ASB2: variants seen among roughly 807,000 people sequenced by gnomAD.
ASB2 encodes ankyrin repeat and SOCS box containing 2, also known as ankyrin repeat and SOCS box protein 2.
A neutral mutation model predicts 62.4 loss-of-function variants in ASB2; 58 were observed. The ratio of observed to expected loss-of-function variants is 0.93; its 90% CI spans 0.75 to 1.16. The LOEUF is 1.16. Among genes scored for constraint, ASB2 ranks in the 50% most tolerant of loss-of-function variants. ASB2 has a pLI of 0.00. For synonymous variants in ASB2, 386 were observed against 385.3 expected (o/e 1.00, Z -0.02); for missense variants, 928 against 887.9 (o/e 1.05, Z -0.57).
chr14:93,964,216 G>A, intron 2 of ASB2, 118 bp downstream of exon 2: 1 of 869,982 alleles, frequency 1.1e-6, no homozygotes, highest in South Asian at 1.5e-5. Context: ...AATGGGAAAG[G>A]TGTGAAAAGC....
intron 2 of ASB2, among the ~76,000 whole-genome samples, chr14:93,957,704 C>T (rs760075786): frequency 6.6e-6 from 1 of 152,154 alleles, no homozygotes; most frequent in Admixed American, 6.5e-5. Context: ...CATCATTTTG[C>T]CTCTCTAGGC....
At chr14:93,936,958 G>A (rs1888293055) in intron 9 of ASB2, among the ~76,000 whole-genome samples, 1 of 152,258 alleles carries the variant, frequency 6.6e-6, no homozygotes, top group Non-Finnish European at 1.5e-5. Flanking sequence ...GGCTTCCTCA[G>A]CCTGACTTAG....
chr14:93,959,103 C>A (rs148358379), intron 2 of ASB2, among the ~76,000 whole-genome samples: 2 of 152,310 alleles, frequency 1.3e-5, no homozygotes, highest in African/African-American at 4.8e-5. Context: ...ATGGAAGCAG[C>A]GGGTGTGCTG....
chr14:93,958,427 G>T (rs919796925), intron 2 of ASB2, among the ~76,000 whole-genome samples: 1 of 152,156 alleles, frequency 6.6e-6, no homozygotes, highest in Non-Finnish European at 1.5e-5. Context: ...TCCTCTGAAG[G>T]CCTGGCCTCT....
At position 93,939,171 on chromosome 14, in the gene ASB2, G is replaced by A. The variant is rs774844789; in HGVS notation, c.1554C>T (p.Ala518=). 1.3e-6 allele frequency: 2 copies of A among 1,573,338 alleles called. No homozygotes were observed. The highest frequency in any genetic ancestry group is 1.1e-5 in the South Asian group (1 of 89,728). ...CGTTGAACCTGCTGGAGGGCTGCGGGGCCGGCGGGTGCGGGCCGTTGCCGT... is the reference window on the plus strand; with the variant it reads ...CGTTGAACCTGCTGGAGGGCTGCGGAGCCGGCGGGTGCGGGCCGTTGCCGT... ...CLYGNGPHPP[A]PQPSSRFNDA... Residue 518 remains alanine (A), a synonymous_variant, in exon 8 of 10, where the codon GCC becomes GCT. Transcript: ENST00000555019.
Position 93,939,673 on chromosome 14 carries a change from C to A in ASB2, c.1053-1G>T. The A allele has an allele frequency of 6.9e-7, 1 of 1,452,168 alleles. No individual in the cohort carries two copies. The highest frequency in any genetic ancestry group is 1.4e-5 in the South Asian group (1 of 72,068). The allele number at this position is 1,452,168 out of a possible 1,614,324, so 90.0% of individuals were successfully genotyped here. Reference sequence around the variant, plus strand: ...CACCGGCAGCAGCATCTGCACGATCCTGCCGGGTCGAGGGGCGGGCGCGGG... The same window carrying A: ...CACCGGCAGCAGCATCTGCACGATCATGCCGGGTCGAGGGGCGGGCGCGGG... On this transcript the variant is annotated splice_acceptor_variant, in intron 7 of 9. Coordinates refer to ENST00000555019, the MANE Select transcript of ASB2 (RefSeq NM_001202429.2). LOFTEE classifies it high-confidence loss of function.
At chr14:93,976,009 T>C (rs1889901948) in intron 1 of ASB2, among the ~76,000 whole-genome samples, 1 of 152,254 alleles carries the variant, frequency 6.6e-6, no homozygotes, top group African/African-American at 2.4e-5. Context: ...GCCTAGGCAC[T>C]CTGCAACAGC....
intron 1 of ASB2, among the ~76,000 whole-genome samples, chr14:93,973,514 G>C (rs1889820800): frequency 6.6e-6 from 1 of 152,156 alleles, no homozygotes; most frequent in Admixed American, 6.5e-5. Flanking sequence ...ATTCTGCACA[G>C]GACATGCCCA....
Position 93,976,474 on chromosome 14 carries a change from CA to C in ASB2, c.-115del, listed in dbSNP as rs1264896410. The C allele has an allele frequency of 6.6e-6, 1 of 152,200 alleles. No homozygotes were observed. Among genetic ancestry groups the C allele is most frequent in the East Asian group, 1.9e-4 (1 of 5,198 alleles). The allele number at this position is 152,200 out of a possible 1,614,324, so 9.4% of individuals were successfully genotyped here. ...ACAAGGGTACAATTCAGGGGTAATA[CA>C]AAGGATTTTCTTGAAAGTGTCTTAA... is the stretch of plus-strand genomic sequence containing the variant. On this transcript the variant is annotated 5_prime_UTR_variant, in exon 1 of 10. Coordinates refer to ENST00000555019, the MANE Select transcript of ASB2 (RefSeq NM_001202429.2).
intron 3 of ASB2, chr14:93,955,133 C>G: frequency 2.2e-6 from 1 of 456,760 alleles, no homozygotes; most frequent in Non-Finnish European, 4.4e-6. Flanking sequence ...TCCGTGAGAA[C>G]CACGATGTCT....
intron 9 of ASB2, among the ~76,000 whole-genome samples, chr14:93,936,439 A>G (rs1038035209): frequency 6.6e-6 from 1 of 152,228 alleles, no homozygotes; most frequent in Non-Finnish European, 1.5e-5. Context: ...ACCTAGGCAT[A>G]GACTGCTCCA....
At chr14:93,974,835 C>T (rs1183183532) in intron 1 of ASB2, among the ~76,000 whole-genome samples, 1 of 152,238 alleles carries the variant, frequency 6.6e-6, no homozygotes, top group African/African-American at 2.4e-5. Context: ...GGCCAGTGCT[C>T]AACAAAGGCT....
intron 2 of ASB2, among the ~76,000 whole-genome samples, chr14:93,960,593 A>G (rs753942850): frequency 1.3e-5 from 2 of 152,196 alleles, no homozygotes; most frequent in Non-Finnish European, 2.9e-5. Context: ...TCTGCACTTC[A>G]TGGGTTCATG....
intron 5 of ASB2, among the ~76,000 whole-genome samples, chr14:93,952,512 AGGCCT>A (rs754233299): frequency 3.9e-5 from 6 of 152,230 alleles, no homozygotes; most frequent in Non-Finnish European, 8.8e-5. Flanking sequence ...CCAAGTACAA[AGGCCT>A]GATCATTTGT....
intron 3 of ASB2, among the ~76,000 whole-genome samples, chr14:93,956,480 T>C (rs1889209396): frequency 6.6e-6 from 1 of 152,004 alleles, no homozygotes; most frequent in Non-Finnish European, 1.5e-5. Flanking sequence ...CAGAGCCCCA[T>C]GGGGCTCCTC....
At chr14:93,953,530 T>C in intron 4 of ASB2, 23 bp from the exon 5 acceptor site, 1 of 1,555,002 alleles carries the variant, frequency 6.4e-7, no homozygotes, top group Non-Finnish European at 8.8e-7. Flanking sequence ...CACCGGGAAA[T>C]TCATGTAGGA....
rs796161035 is a variant in ASB2 at position 93,944,447 on chromosome 14, C to T, written c.1052+2902G>A. Among the ~76,000 whole-genome samples the T allele has an allele frequency of 4.7e-4, 71 of 152,366 alleles. 1 individual carries two copies. Among genetic ancestry groups the T allele is most frequent in the African/African-American group, 1.5e-3 (64 of 41,586 alleles). On this transcript the variant is annotated intron_variant, in intron 7 of 9. Transcript: ENST00000555019. ...AAGACACCATCTGGCAAACAGCCTT[C>T]GGCTCCTGGTGCTGCCTTCCATGCC...
intron 2 of ASB2, among the ~76,000 whole-genome samples, chr14:93,958,388 C>T (rs1286983070): frequency 4.6e-5 from 7 of 152,220 alleles, no homozygotes; most frequent in South Asian, 2.1e-4. Flanking sequence ...CAGACTACCA[C>T]TGTCCGCCCA....
At chr14:93,956,704 C>A (rs1458362477) in intron 3 of ASB2, 62 bp downstream of exon 3, 5 of 1,601,648 alleles carry the variant, frequency 3.1e-6, no homozygotes, top group Non-Finnish European at 4.3e-6. Flanking sequence ...TCCCACCCTC[C>A]CTGCCATCCC....
Sources: gnomAD v4.1 joint callset for allele counts (sites outside exome capture counted in the v4.1 genomes callset) on GRCh38, gnomAD v4.1.1 for gene constraint, MANE v1.5 for transcripts, NCBI Gene and HGNC (gene_info 2026-07-23, HGNC 2026-07-21) for gene names.